Variants in CD63 observed in about 807,000 individuals in gnomAD.
CD63 encodes the protein CD63 molecule, also known as CD63 antigen.
A neutral mutation model predicts 29.2 loss-of-function variants in CD63; 16 were observed. The ratio of observed to expected loss-of-function variants is 0.55; its 90% CI spans 0.37 to 0.83. CD63 has a LOEUF of 0.83. CD63 is among the 40% of genes least tolerant of loss of function. The probability of loss-of-function intolerance (pLI) is 0.00; values close to 1 mark genes in which losing one functional copy is unlikely to be tolerated. For synonymous variants in CD63, 118 were observed against 111.7 expected, an observed-to-expected ratio of 1.06 and a Z score of -0.36; for missense variants, 251 against 297.3, an observed-to-expected ratio of 0.84 and a Z score of 1.15.
intron 5 of CD63, 24 bp from the exon 6 acceptor site, chr12:55,726,285 G>T (rs2136148316): frequency 6.5e-7 from 1 of 1,532,532 alleles, no homozygotes; most frequent in Non-Finnish European, 8.9e-7. Context: ...GAAATATGGA[G>T]AAGAAGGTTG....
Position 55,728,940 on chromosome 12 carries a change from C to T in CD63, c.-12+13G>A. On this transcript the variant is annotated intron_variant, in intron 1 of 7. Transcript: ENST00000257857. This position sits in a 1 kb window ranked among gnomAD's most constrained non-coding sequence, Gnocchi z 4.8. ...AGCCCGCGCCGAAGTCCGCCGGGTC[C>T]CCGCGGCCTCACCTGGGCTTCCCAA... The T allele has an allele frequency of 1.0e-6, 1 of 985,532 alleles. No individual in the cohort carries two copies. Among genetic ancestry groups the T allele is most frequent in the Non-Finnish European group, 1.2e-6 (1 of 830,008 alleles). The allele number at this position is 985,532 out of a possible 1,614,324, so 61.0% of individuals were successfully genotyped here.
chr12:55,723,931 TG>T, downstream of CD63: 1 of 1,614,140 alleles, frequency 6.2e-7, no homozygotes, highest in Non-Finnish European at 8.5e-7. Flanking sequence ...TCGTGGAGCC[TG>T]GCTTCTTCCG....
At chr12:55,727,043 C>T in intron 3 of CD63, 79 bp from the exon 4 acceptor site, 1 of 1,566,996 alleles carries the variant, frequency 6.4e-7, no homozygotes, top group African/African-American at 1.3e-5. Flanking sequence ...GGTCCCTGGA[C>T]ACTCACAAAG....
chr12:55,724,143 C>A, downstream of CD63: 1 of 1,514,700 alleles, frequency 6.6e-7, no homozygotes, highest in Non-Finnish European at 8.9e-7. Context: ...GGTGGGGCAC[C>A]CAGGGCAGGG....
chr12:55,728,894 G>C lies in CD63; in HGVS notation c.-12+59C>G, dbSNP rs1239085491. ...GGCCTGGGGCGAGCCCTGGAGGAAG[G>C]GACTGCGGGTGGTCTCTCCCAGCCC... On this transcript the variant is annotated intron_variant, in intron 1 of 7. Coordinates refer to ENST00000257857, the MANE Select transcript of CD63 (RefSeq NM_001780.6). This position sits in a 1 kb window ranked among gnomAD's most constrained non-coding sequence, Gnocchi z 4.8. The C allele has an allele frequency of 1.0e-6, 1 of 986,878 alleles. No individual in the cohort carries two copies. The allele number at this position is 986,878 out of a possible 1,614,324, so 61.1% of individuals were successfully genotyped here.
At chr12:55,724,546 ATCCAGCCT>A, downstream of CD63, 1 of 1,609,816 alleles carries the variant, frequency 6.2e-7, no homozygotes, top group Non-Finnish European at 8.5e-7. Context: ...AGTCTACTGA[ATCCAGCCT>A]TCCAGCAAGA....
chr12:55,728,836 G>T lies in CD63; in HGVS notation c.-12+117C>A, dbSNP rs907538424. ...GGAACTTCGAAGCAAAGTTGCTCCA[G>T]GGCGGCTGGAGAGCGCCGGACGAGT... is the stretch of plus-strand genomic sequence containing the variant. On this transcript the variant is annotated intron_variant, in intron 1 of 7. Coordinates refer to ENST00000257857, the MANE Select transcript of CD63 (RefSeq NM_001780.6). This position sits in a 1 kb window ranked among gnomAD's most constrained non-coding sequence, Gnocchi z 4.8. 45 of 990,882 alleles carry T rather than the reference G, an allele frequency of 4.5e-5. No homozygotes were observed. The highest frequency in any genetic ancestry group is 5.3e-5 in the Non-Finnish European group (44 of 833,468). The allele number at this position is 990,882 out of a possible 1,614,324, so 61.4% of individuals were successfully genotyped here. A position where few individuals can be genotyped will look rare whatever the true frequency, so the allele number is the denominator to read the frequency against.
At chr12:55,723,622 C>A (rs138715902), downstream of CD63, 1,218 of 481,862 alleles carry the variant, frequency 2.5e-3, 10 homozygotes, top group African/African-American at 0.021. Context: ...AATTTTGTTT[C>A]TTGGCCTGCC....
At position 55,728,530 on chromosome 12, in the gene CD63, T is replaced by C. The variant is rs1186193262; in HGVS notation, c.-11-178A>G. 2 of 1,436,212 alleles carry C rather than the reference T, an allele frequency of 1.4e-6. No homozygotes were observed. Among genetic ancestry groups the C allele is most frequent in the Non-Finnish European group, 1.8e-6 (2 of 1,101,904 alleles). 89.0% of individuals were successfully genotyped at this position (1,436,212 alleles called of 1,614,324 possible). On this transcript the variant is annotated intron_variant, in intron 1 of 7. Transcript: ENST00000257857. This position sits in a 1 kb window ranked among gnomAD's most constrained non-coding sequence, Gnocchi z 4.8. ...CCCCTCTTTACCCGCAGGAGAGGGG[T>C]GGGGGCGACGGCCGCGAAGCCCGGA...
chr12:55,725,983 C>A, intron 6 of CD63, 87 bp from the exon 7 acceptor site: 1 of 1,389,538 alleles, frequency 7.2e-7, no homozygotes, highest in East Asian at 2.4e-5. Flanking sequence ...CTCTTCCCTG[C>A]CCCTGTACCT....
downstream of CD63, chr12:55,724,620 C>T: frequency 1.5e-6 from 2 of 1,316,248 alleles, no homozygotes; most frequent in Non-Finnish European, 2.2e-6. Context: ...CCTGGTACTG[C>T]CTGGTGCCTG....
intron 2 of CD63, chr12:55,727,791 TAGAC>T (rs148140231): frequency 0.047 from 48,642 of 1,032,004 alleles, 1,331 homozygotes; most frequent in East Asian, 0.15. Context: ...TGTCCCTCCC[TAGAC>T]AAACAGTAGC....
In CD63 at chr12:55,728,977, C is replaced by A. The variant is rs999983744; in HGVS notation, c.-36G>T. 7.1e-6 allele frequency: 7 copies of A among 985,356 alleles called. No homozygotes were observed. Among genetic ancestry groups the A allele is most frequent in the Admixed American group, 6.2e-5 (1 of 16,256 alleles). The allele number at this position is 985,356 out of a possible 1,614,324, so 61.0% of individuals were successfully genotyped here. The stretch of plus-strand genomic sequence containing the variant: ...CCTGGGCTTCCCAAGGCTGGCTGCG[C>A]GTTCCTCTCCCGCCGCGGCTCCGGG... On this transcript the variant is annotated 5_prime_UTR_variant, in exon 1 of 8. Transcript: ENST00000257857. This position sits in a 1 kb window ranked among gnomAD's most constrained non-coding sequence, Gnocchi z 4.8.
Position 55,728,358 on chromosome 12 carries a change from GC to G in CD63, c.-11-7del. On this transcript the variant is annotated splice_polypyrimidine_tract_variant and splice_region_variant and intron_variant, in intron 1 of 7. Transcript: ENST00000257857. This position sits in a 1 kb window ranked among gnomAD's most constrained non-coding sequence, Gnocchi z 4.8. ...CACCGCCATGGCTGCCGGGCCTGGG[GC>G]AGAGGGGAGGGCGGGGGGATTAAAA... is the stretch of plus-strand genomic sequence containing the variant. The G allele has an allele frequency of 3.1e-6, 5 of 1,607,668 alleles. No homozygotes were observed. The highest frequency in any genetic ancestry group is 3.4e-6 in the Non-Finnish European group (4 of 1,177,834).
At chr12:55,724,740 C>T (rs527384653), downstream of CD63, 12 of 654,144 alleles carry the variant, frequency 1.8e-5, no homozygotes, top group South Asian at 3.5e-5. Flanking sequence ...TACTCCAAAC[C>T]GACATGCTCA....
chr12:55,727,299 T>C lies in CD63; in HGVS notation c.107A>G (p.Gln36Arg), dbSNP rs112219729. 2 of 1,613,832 alleles carry C rather than the reference T, an allele frequency of 1.2e-6. No individual in the cohort carries two copies. The highest frequency in any genetic ancestry group is 1.3e-5 in the African/African-American group (1 of 75,034). The change falls in exon 3 of 8, where the codon CAG (glutamine) becomes CGG (arginine). Residue 36 changes from glutamine (Q) to arginine (R), a missense_variant. By Grantham distance (43) the Gln-to-Arg change is conservative. Transcript: ENST00000257857. ...GATTATGGTCTGACTCAGGACAAGC[T>C]GTGCCCCGACACCCACGGCAATCAG... Reference protein sequence around the residue: ...VGLIAVGVGAQLVLSQTIIQG... With the variant: ...VGLIAVGVGARLVLSQTIIQG...
In CD63 at chr12:55,726,992, T is replaced by C. The variant is rs542128516; in HGVS notation, c.256-28A>G. The C allele has an allele frequency of 3.4e-5, 54 of 1,611,376 alleles. No homozygotes were observed. In the South Asian group the frequency reaches 5.2e-4, roughly 15 times the overall value. ...GCAGGAGCAAAGGACAGAAGTCAAGTTTGGAGTCTATGCATTACAGGGGCC... is the reference window on the plus strand; with the variant it reads ...GCAGGAGCAAAGGACAGAAGTCAAGCTTGGAGTCTATGCATTACAGGGGCC... On this transcript the variant is annotated intron_variant, in intron 3 of 7. Coordinates refer to ENST00000257857, the MANE Select transcript of CD63 (RefSeq NM_001780.6).
intron 5 of CD63, 27 bp downstream of exon 5, chr12:55,726,673 A>G: frequency 1.3e-6 from 2 of 1,567,028 alleles, no homozygotes; most frequent in Non-Finnish European, 1.8e-6. Flanking sequence ...TATTCCCACC[A>G]CCCCTGCTCC....
In CD63 at chr12:55,727,335, C is replaced by G; in HGVS notation, c.71G>C (p.Cys24Ser). ...ACCCACGGCAATCAGTCCCACTGCA[C>G]AGGCCTAAGAGAAAATCAGGTGAGG... ...LYVLLLAFCA[C>S]AVGLIAVGVG... The change falls in exon 3 of 8, where the codon TGT becomes TCT. Residue 24 changes from cysteine to serine, a missense_variant. By Grantham distance (112) the Cys-to-Ser change is moderately radical. Coordinates refer to ENST00000257857, the MANE Select transcript of CD63 (RefSeq NM_001780.6). 4 of 1,612,782 alleles carry G rather than the reference C, an allele frequency of 2.5e-6. No individual in the cohort carries two copies. The highest frequency in any genetic ancestry group is 3.4e-6 in the Non-Finnish European group (4 of 1,179,406).
Sources: gnomAD v4.1 joint callset for allele counts on GRCh38, gnomAD v4.1.1 for gene constraint, Gnocchi (gnomAD v3.1) non-coding constraint, MANE v1.5 for transcripts, NCBI Gene and HGNC (gene_info 2026-07-23, HGNC 2026-07-21) for gene names.